The following ZNF729 variants were observed in gnomAD, a reference collection of about 807,000 sequenced individuals.
The protein encoded by ZNF729 is zinc finger protein 729.
ZNF729 carries 15 observed loss-of-function variants against 12.2 expected under a neutral mutation model. The ratio of observed to expected loss-of-function variants is 1.23; its 90% CI spans 0.82 to 1.89. The LOEUF (loss-of-function observed/expected upper bound fraction) is 1.89. Ranked by LOEUF, ZNF729 falls within the 40% of genes most tolerant of loss-of-function variation. ZNF729 has a pLI of 0.00. For missense variants in ZNF729, 1,540 were observed against 1,456.7 expected (o/e 1.06, Z -0.93); for synonymous variants, 492 against 476.3 (o/e 1.03, Z -0.43).
At chr19:22,295,105 G>C (rs1243436105) in intron 1 of ZNF729, among the ~76,000 whole-genome samples, 2 of 148,970 alleles carry the variant, frequency 1.3e-5, no homozygotes, top group East Asian at 4.0e-4. Context: ...TTTTGATTTG[G>C]CTTTTGGCTT....
chr19:22,307,464 C>T (rs1457265490), intron 3 of ZNF729, among the ~76,000 whole-genome samples: 1 of 150,044 alleles, frequency 6.7e-6, no homozygotes, highest in Admixed American at 6.6e-5. Flanking sequence ...TTTTTTTCAG[C>T]CGGACGCGGT....
At position 22,314,054 on chromosome 19, in the gene ZNF729, C is replaced by A; in HGVS notation, c.637C>A (p.Arg213Ser). 6.5e-7 allele frequency: 1 copy of A among 1,542,050 alleles called. No individual in the cohort carries two copies. Among genetic ancestry groups the A allele is most frequent in the African/African-American group, 1.4e-5 (1 of 72,686 alleles). ...ACAGAATATCTACAAATGTGAAGAA[C>A]GTGGCAAAGCCTTTAAATCGTTCTC... ...IRQNIYKCEE[R>S]GKAFKSFSTL... Residue 213 changes from arginine (R) to serine (S), a missense_variant, in exon 4 of 4, where the codon CGT becomes AGT. Arg to Ser is a moderately radical substitution (Grantham distance 110). Coordinates refer to ENST00000601693, the MANE Select transcript of ZNF729 (RefSeq NM_001242680.2).
intron 3 of ZNF729, among the ~76,000 whole-genome samples, chr19:22,309,271 C>A (rs1192014094): frequency 2.0e-5 from 3 of 152,016 alleles, no homozygotes; most frequent in Non-Finnish European, 1.5e-5. Flanking sequence ...GTGGTGAAAC[C>A]CCATCTCTAC....
Position 22,316,187 on chromosome 19 carries a change from A to G in ZNF729, c.2770A>G (p.Arg924Gly), listed in dbSNP as rs1197345623. 6.2e-7 allele frequency: 1 copy of G among 1,612,518 alleles called. No homozygotes were observed. Among genetic ancestry groups the G allele is most frequent in the Non-Finnish European group, 8.5e-7 (1 of 1,179,424 alleles). ...GKAFKHFSAL[R>G]KHKIIHTGKK... ...AGCTTTTAAGCATTTCTCAGCCCTT[A>G]GAAAACATAAGATAATTCATACTGG... The change falls in exon 4 of 4, where the codon AGA becomes GGA. Residue 924 changes from arginine (R) to glycine (G), a missense_variant. Coordinates refer to ENST00000601693, the MANE Select transcript of ZNF729 (RefSeq NM_001242680.2).
chr19:22,301,835 G>A (rs1968309872), intron 1 of ZNF729, among the ~76,000 whole-genome samples: 1 of 152,310 alleles, frequency 6.6e-6, no homozygotes, highest in African/African-American at 2.4e-5. Context: ...TACTGGAGTA[G>A]AGTATTGTTA....
intron 3 of ZNF729, among the ~76,000 whole-genome samples, chr19:22,310,866 G>A (rs757132185): frequency 3.4e-4 from 51 of 151,968 alleles, no homozygotes; most frequent in Non-Finnish European, 5.6e-4. Context: ...TTTCAGTCTC[G>A]CTGCTTGTTA....
intron 1 of ZNF729, among the ~76,000 whole-genome samples, chr19:22,296,106 T>C (rs1184170752): frequency 6.6e-6 from 1 of 152,194 alleles, no homozygotes; most frequent in African/African-American, 2.4e-5. Context: ...GTTTCATCTC[T>C]GCCAGGTTTT....
chr19:22,307,464 C>G (rs1457265490), intron 3 of ZNF729, among the ~76,000 whole-genome samples: 2 of 150,044 alleles, frequency 1.3e-5, no homozygotes, highest in Admixed American at 1.3e-4. Flanking sequence ...TTTTTTTCAG[C>G]CGGACGCGGT....
intron 1 of ZNF729, among the ~76,000 whole-genome samples, chr19:22,297,908 G>A (rs1330095846): frequency 6.6e-6 from 1 of 150,800 alleles, no homozygotes; most frequent in Admixed American, 6.6e-5. Context: ...GGGAGGCTGA[G>A]GCCAGAGAAT....
At chr19:22,309,740 G>T (rs565992185) in intron 3 of ZNF729, among the ~76,000 whole-genome samples, 1 of 151,152 alleles carries the variant, frequency 6.6e-6, no homozygotes, top group East Asian at 2.0e-4. Flanking sequence ...CTAATTCTGT[G>T]AAGAATGATG....
chr19:22,298,588 A>G (rs1027552067), intron 1 of ZNF729, among the ~76,000 whole-genome samples: 2 of 152,168 alleles, frequency 1.3e-5, no homozygotes, highest in Non-Finnish European at 2.9e-5. Flanking sequence ...GTCTCGGCTC[A>G]CTACATCCTC....
chr19:22,316,307 T>C lies in ZNF729; in HGVS notation c.2890T>C (p.Tyr964His), dbSNP rs753590194. ...GATAATTCATACTGGGAAGAAACCATACAAATGTGCAGAATGTGGCAAAGC... is the reference window on the plus strand; with the variant it reads ...GATAATTCATACTGGGAAGAAACCACACAAATGTGCAGAATGTGGCAAAGC... The part of the protein sequence containing the change: ...HKIIHTGKKP[Y>H]KCAECGKAFK... Residue 964 changes from tyrosine (Y) to histidine (H), a missense_variant, in exon 4 of 4, where the codon TAC becomes CAC. Coordinates refer to ENST00000601693, the MANE Select transcript of ZNF729 (RefSeq NM_001242680.2). 1.9e-6 allele frequency: 3 copies of C among 1,613,536 alleles called. No individual in the cohort carries two copies. In the African/African-American group the frequency reaches 4.0e-5, roughly 22 times the overall value.
intron 1 of ZNF729, among the ~76,000 whole-genome samples, chr19:22,292,345 C>T (rs186915963): frequency 8.5e-4 from 130 of 152,286 alleles, no homozygotes; most frequent in Non-Finnish European, 1.1e-3. Flanking sequence ...CAGCTCCATC[C>T]ATGTTGCTGC....
rs767534907 is a variant in ZNF729, at chr19:22,314,946, A to C, written c.1529A>C (p.His510Pro). Residue 510 changes from histidine (H) to proline (P), a missense_variant, in exon 4 of 4, where the codon CAT (histidine) becomes CCT (proline). Transcript: ENST00000601693. Reference sequence around the variant, plus strand: ...GACCTTAGAAGACATAAGATAATTCATACTGGAAAGAAACCCTACAAATGT... The same window carrying C: ...GACCTTAGAAGACATAAGATAATTCCTACTGGAAAGAAACCCTACAAATGT... Reference protein sequence around the residue: ...FSDLRRHKIIHTGKKPYKCEE... With the variant: ...FSDLRRHKIIPTGKKPYKCEE... 6.2e-7 allele frequency: 1 copy of C among 1,612,606 alleles called. No individual in the cohort carries two copies. Among genetic ancestry groups the C allele is most frequent in the African/African-American group, 1.3e-5 (1 of 74,906 alleles).
chr19:22,313,806 A>T lies in ZNF729; in HGVS notation c.389A>T (p.Asn130Ile). The change falls in exon 4 of 4, where the codon AAT (asparagine) becomes ATT (isoleucine). Residue 130 changes from asparagine to isoleucine, a missense_variant. By Grantham distance (149) the Asn-to-Ile change is moderately radical (BLOSUM62 -3). Transcript: ENST00000601693. ...TTAAGAAAAGATTGTAAAAGTGCCA[A>T]TGAGGGTAAGATGCACAAAGAAGGT... ...LRLRKDCKSA[N>I]EGKMHKEGYN... The T allele has an allele frequency of 6.3e-7, 1 of 1,596,668 alleles. No homozygotes were observed. Among genetic ancestry groups the T allele is most frequent in the Admixed American group, 1.7e-5 (1 of 57,236 alleles).
In ZNF729 at chr19:22,314,375, T is replaced by G. The variant is rs558252488; in HGVS notation, c.958T>G (p.Tyr320Asp). Residue 320 changes from tyrosine to aspartate, a missense_variant, in exon 4 of 4, where the codon TAC becomes GAC. Coordinates refer to ENST00000601693, the MANE Select transcript of ZNF729 (RefSeq NM_001242680.2). ...HKVIHTAEKP[Y>D]KCEDCGKTFN... is the part of the protein sequence containing the mutation. ...GGTAATTCATACTGCAGAGAAACCC[T>G]ACAAATGTGAAGATTGTGGCAAAAC... The G allele has an allele frequency of 2.1e-5, 34 of 1,593,822 alleles. No homozygotes were observed. Among genetic ancestry groups the G allele is most frequent in the Non-Finnish European group, 2.8e-5 (33 of 1,167,536 alleles).
intron 1 of ZNF729, among the ~76,000 whole-genome samples, chr19:22,292,708 T>C (rs986413269): frequency 2.6e-5 from 4 of 152,214 alleles, no homozygotes; most frequent in African/African-American, 7.2e-5. Context: ...CCCAGAGTGC[T>C]GGAACTACAG....
rs1471724813 is a variant in ZNF729 at position 22,316,082 on chromosome 19, T to A, written c.2665T>A (p.Phe889Ile). The A allele has an allele frequency of 3.7e-6, 6 of 1,610,180 alleles. No individual in the cohort carries two copies. Among genetic ancestry groups the A allele is most frequent in the African/African-American group, 1.3e-5 (1 of 74,736 alleles). ...CAAATGTGAAGAATGTGGTAAAGCTTTTAAGTGGTTGTCAAAACTTACTGT... is the reference window on the plus strand; with the variant it reads ...CAAATGTGAAGAATGTGGTAAAGCTATTAAGTGGTTGTCAAAACTTACTGT... ...PYKCEECGKA[F>I]KWLSKLTVHK... The change falls in exon 4 of 4, where the codon TTT (phenylalanine) becomes ATT (isoleucine). Residue 889 changes from phenylalanine to isoleucine, a missense_variant. Coordinates refer to ENST00000601693, the MANE Select transcript of ZNF729 (RefSeq NM_001242680.2).
chr19:22,305,470 A>G (rs1968366934), intron 3 of ZNF729, among the ~76,000 whole-genome samples: 1 of 151,962 alleles, frequency 6.6e-6, no homozygotes, highest in African/African-American at 2.4e-5. Flanking sequence ...TTCTTGCTTC[A>G]CCTTTGTCAA....
Sources: allele counts gnomAD v4.1 joint callset (sites outside exome capture counted in the v4.1 genomes callset), GRCh38; gene constraint gnomAD v4.1.1; transcripts MANE v1.5; gene names NCBI Gene and HGNC (gene_info 2026-07-23, HGNC 2026-07-21).